Variants in PEPD observed in about 807,000 individuals in gnomAD.
PEPD encodes the protein xaa-Pro dipeptidase.
PEPD carries 53 observed loss-of-function variants against 60.7 expected under a neutral mutation model. The observed-to-expected ratio is 0.87, with a 90% confidence interval of 0.70 to 1.10. The LOEUF is 1.10. Among genes scored for constraint, PEPD ranks in the 50% least tolerant of loss-of-function variants. The pLI, the probability that PEPD is intolerant of heterozygous loss-of-function variation, is 0.00. For synonymous variants in PEPD, 267 were observed against 284.1 expected (o/e 0.94, Z 0.60); for missense variants, 711 against 711.9 (o/e 1.00, Z 0.01).
chr19:33,517,602 G>GA, intron 1 of PEPD, among the ~76,000 whole-genome samples: 1 of 151,832 alleles, frequency 6.6e-6, no homozygotes, highest in East Asian at 1.9e-4. Flanking sequence ...CTGATGCCGA[G>GA]AATGGTACGT....
intron 11 of PEPD, among the ~76,000 whole-genome samples, chr19:33,410,398 C>G (rs1018069557): frequency 3.9e-5 from 6 of 152,214 alleles, no homozygotes; most frequent in African/African-American, 1.4e-4. Context: ...ATACTCGGCC[C>G]TGACAGCTCA....
intron 12 of PEPD, among the ~76,000 whole-genome samples, chr19:33,396,751 C>T (rs538408609): frequency 6.6e-6 from 1 of 151,892 alleles, no homozygotes; most frequent in African/African-American, 2.4e-5. Flanking sequence ...GGCTGGGAGG[C>T]GAGGCTACAG....
chr19:33,511,492 T>G (rs1255697066), intron 2 of PEPD: 2 of 365,874 alleles, frequency 5.5e-6, no homozygotes, highest in Non-Finnish European at 1.1e-5. Flanking sequence ...CTCTGCCACG[T>G]GCAGGCAGGC....
chr19:33,473,586 C>A (rs530560519), intron 7 of PEPD, among the ~76,000 whole-genome samples: 7 of 152,356 alleles, frequency 4.6e-5, no homozygotes, highest in African/African-American at 1.7e-4. Context: ...GCTGACACGC[C>A]TGCTCTCCCC....
chr19:33,407,812 G>T (rs1053429920), intron 11 of PEPD, among the ~76,000 whole-genome samples: 16 of 152,220 alleles, frequency 1.1e-4, no homozygotes, highest in African/African-American at 3.9e-4. Context: ...CCCCACATGG[G>T]GCCGCTTGGC....
At chr19:33,490,387 C>T (rs1387525321) in intron 5 of PEPD, among the ~76,000 whole-genome samples, 1 of 152,254 alleles carries the variant, frequency 6.6e-6, no homozygotes, top group African/African-American at 2.4e-5. Flanking sequence ...CGGGACCACT[C>T]CCAATATAAA....
At chr19:33,458,361 C>T (rs559039484) in intron 9 of PEPD, among the ~76,000 whole-genome samples, 10 of 140,866 alleles carry the variant, frequency 7.1e-5, no homozygotes, top group African/African-American at 2.1e-4. Context: ...TGGCATGAGA[C>T]GTGTGGTATG....
At chr19:33,491,805 T>C (rs931235991) in intron 5 of PEPD, among the ~76,000 whole-genome samples, 2 of 152,224 alleles carry the variant, frequency 1.3e-5, no homozygotes, top group Non-Finnish European at 2.9e-5. Flanking sequence ...GAACAGGCTA[T>C]GACCTTATGT....
intron 5 of PEPD, among the ~76,000 whole-genome samples, chr19:33,491,546 A>T (rs139529136): frequency 2.8e-4 from 43 of 152,204 alleles, no homozygotes; most frequent in African/African-American, 1.0e-3. Context: ...GAAAGGGTAC[A>T]CTCTCCAGCA....
chr19:33,459,042 C>G (rs558774390), intron 9 of PEPD, among the ~76,000 whole-genome samples: 1 of 152,102 alleles, frequency 6.6e-6, no homozygotes, highest in African/African-American at 2.4e-5. Context: ...AGGAGCACAG[C>G]TGGGCAAGCC....
At chr19:33,446,639 G>A (rs568942071) in intron 9 of PEPD, among the ~76,000 whole-genome samples, 153 of 152,360 alleles carry the variant, frequency 1.0e-3, no homozygotes, top group African/African-American at 3.4e-3. Context: ...GTGCATCCAG[G>A]AGGAACTTCG....
chr19:33,455,812 T>A (rs1969785957), intron 9 of PEPD, among the ~76,000 whole-genome samples: 1 of 151,880 alleles, frequency 6.6e-6, no homozygotes, highest in South Asian at 2.1e-4. Context: ...GTAATTACCA[T>A]GCCTGGCAAT....
At chr19:33,403,477 G>A (rs752729708) in intron 11 of PEPD, among the ~76,000 whole-genome samples, 1 of 152,156 alleles carries the variant, frequency 6.6e-6, no homozygotes, top group Admixed American at 6.5e-5. Flanking sequence ...CCGTCACGAG[G>A]GCCTCTCACC....
intron 12 of PEPD, among the ~76,000 whole-genome samples, chr19:33,395,760 CAA>C (rs753911661): frequency 2.6e-5 from 4 of 152,354 alleles, no homozygotes; most frequent in Non-Finnish European, 5.9e-5. Flanking sequence ...TGCCTCCAGA[CAA>C]AGAGCGCACT....
chr19:33,417,547 G>C (rs1460209279), intron 9 of PEPD, among the ~76,000 whole-genome samples: 1 of 152,216 alleles, frequency 6.6e-6, no homozygotes, highest in Non-Finnish European at 1.5e-5. Flanking sequence ...CCGTGCCTCA[G>C]TTTCCTCATC....
intron 6 of PEPD, among the ~76,000 whole-genome samples, chr19:33,480,248 GCTATACTAACATCAGA>G (rs1479853410): frequency 6.6e-6 from 1 of 152,132 alleles, no homozygotes; most frequent in Non-Finnish European, 1.5e-5. Context: ...AACTAGAATG[GCTATACTAACATCAGA>G]CAAAATAAGC....
chr19:33,462,035 G>C (rs559220331), intron 9 of PEPD, among the ~76,000 whole-genome samples: 1 of 152,208 alleles, frequency 6.6e-6, no homozygotes, highest in South Asian at 2.1e-4. Flanking sequence ...GCGAACTGAA[G>C]CATCCAAGCA....
chr19:33,504,830 C>T (rs575926138), intron 3 of PEPD, among the ~76,000 whole-genome samples: 1 of 152,196 alleles, frequency 6.6e-6, no homozygotes, highest in Non-Finnish European at 1.5e-5. Context: ...TGTCACCCCA[C>T]ACACACTCCC....
chr19:33,409,309 G>C (rs981225384), intron 11 of PEPD, among the ~76,000 whole-genome samples: 1 of 152,254 alleles, frequency 6.6e-6, no homozygotes, highest in African/African-American at 2.4e-5. Context: ...TCTGCCGTGA[G>C]ACTGGGTTCC....
Sources: gnomAD v4.1 joint callset for allele counts (sites outside exome capture counted in the v4.1 genomes callset) on GRCh38, gnomAD v4.1.1 for gene constraint, MANE v1.5 for transcripts, NCBI Gene and HGNC (gene_info 2026-07-23, HGNC 2026-07-21) for gene names.